ALG11: variants seen among roughly 807,000 people sequenced by gnomAD.
ALG11 encodes the protein ALG11 alpha-1,2-mannosyltransferase, also known as GDP-Man:Man(3)GlcNAc(2)-PP-Dol alpha-1,2-mannosyltransferase.
A neutral mutation model predicts 38.8 loss-of-function variants in ALG11; 26 were observed. The ratio of observed to expected loss-of-function variants is 0.67; its 90% CI spans 0.49 to 0.93. The LOEUF is 0.93. ALG11 is among the 40% of genes least tolerant of loss of function. ALG11 has a pLI of 0.00. For synonymous variants in ALG11, 199 were observed against 211.6 expected, an observed-to-expected ratio of 0.94 and a Z score of 0.52; for missense variants, 535 against 578.8, an observed-to-expected ratio of 0.92 and a Z score of 0.78.
At position 52,024,232 on chromosome 13, in the gene ALG11, G is replaced by T; in HGVS notation, c.502G>T (p.Val168Phe). 1 of 1,614,114 alleles carries T rather than the reference G, an allele frequency of 6.2e-7. No homozygotes were observed. The highest frequency in any genetic ancestry group is 1.1e-5 in the South Asian group (1 of 91,084). Reference protein sequence around the residue: ...FLGWEALMQCVPDVYIDSMGY... With the variant: ...FLGWEALMQCFPDVYIDSMGY... ...TGGCTGGGAAGCTCTAATGCAGTGT[G>T]TTCCTGATGTTTACATTGATTCAAT... The change falls in exon 3 of 4, where the codon GTT becomes TTT. Residue 168 changes from valine to phenylalanine, a missense_variant. Transcript: ENST00000521508.
rs1954290334 is a variant in ALG11, at chr13:52,030,436, T to C, written c.*1846T>C. The C allele has an allele frequency of 1.9e-6, 3 of 1,614,256 alleles. No individual in the cohort carries two copies. Among genetic ancestry groups the C allele is most frequent in the Non-Finnish European group, 1.7e-6 (2 of 1,180,048 alleles). ...CAGAGAGGACCCCAAATAATCGGCC[T>C]GATGCCCCTAAGGAGAAGAAAGAGA... On this transcript the variant is annotated 3_prime_UTR_variant, in exon 4 of 4. Transcript: ENST00000521508.
At position 52,031,551 on chromosome 13, in the gene ALG11, T is replaced by C; in HGVS notation, c.*2961T>C. ...TGTTTATGCTGTCAGCACATTTGTGTGGGTCTCTCATTGTCCCTTAACAGT... is the reference window on the plus strand; with the variant it reads ...TGTTTATGCTGTCAGCACATTTGTGCGGGTCTCTCATTGTCCCTTAACAGT... On this transcript the variant is annotated 3_prime_UTR_variant, in exon 4 of 4. Transcript: ENST00000521508. The C allele has an allele frequency of 5.5e-6, 1 of 182,198 alleles. No homozygotes were observed. Among genetic ancestry groups the C allele is most frequent in the Non-Finnish European group, 1.3e-5 (1 of 76,122 alleles). The allele number at this position is 182,198 out of a possible 1,614,324, so 11.3% of individuals were successfully genotyped here. A position where few individuals can be genotyped will look rare whatever the true frequency, so the allele number is the denominator to read the frequency against.
At position 52,030,098 on chromosome 13, in the gene ALG11, T is replaced by G. The variant is rs770311915; in HGVS notation, c.*1508T>G. ...GGAAAGGCAATCCCTTAGAAAAAGA[T>G]CTGAGCTCAACCAGGATGCTGAGCC... is the stretch of plus-strand genomic sequence containing the variant. On this transcript the variant is annotated 3_prime_UTR_variant, in exon 4 of 4. Coordinates refer to ENST00000521508, the MANE Select transcript of ALG11 (RefSeq NM_001004127.3). 6.2e-7 allele frequency: 1 copy of G among 1,614,216 alleles called. No individual in the cohort carries two copies. The highest frequency in any genetic ancestry group is 1.1e-5 in the South Asian group (1 of 91,084).
rs1954221298 is a variant in ALG11, at chr13:52,024,635, T to A, written c.905T>A (p.Leu302Ter). 6.2e-7 allele frequency: 1 copy of A among 1,613,780 alleles called. No individual in the cohort carries two copies. Among genetic ancestry groups the A allele is most frequent in the South Asian group, 1.1e-5 (1 of 91,074 alleles). ...GAGAAAAAGATGACCCCAGGACATT[T>A]GCTGGTTTCTGTTGGCCAGTTTAGG... ...LHEKKMTPGH[L>*]LVSVGQFRPE... Residue 302 changes from leucine (L) to a stop codon, truncating the protein, a stop_gained, in exon 3 of 4, where the codon TTG becomes TAG. Coordinates refer to ENST00000521508, the MANE Select transcript of ALG11 (RefSeq NM_001004127.3). LOFTEE classifies it high-confidence loss of function.
At chr13:52,014,893 G>A (rs537708655) in intron 1 of ALG11, among the ~76,000 whole-genome samples, 39 of 152,202 alleles carry the variant, frequency 2.6e-4, no homozygotes, top group African/African-American at 8.9e-4. Flanking sequence ...AGAGTATAAA[G>A]GTGTATAAAG....
chr13:52,013,839 A>G (rs962226809), intron 1 of ALG11, among the ~76,000 whole-genome samples: 2 of 152,246 alleles, frequency 1.3e-5, no homozygotes, highest in Admixed American at 1.3e-4. Context: ...AGGCCCTTCA[A>G]TGGATCCTCA....
intron 1 of ALG11, among the ~76,000 whole-genome samples, chr13:52,012,756 T>G (rs1366215894): frequency 6.6e-6 from 1 of 152,136 alleles, no homozygotes; most frequent in African/African-American, 2.4e-5. Flanking sequence ...AGTTAGTCTG[T>G]CATAAATTAT....
Position 52,024,204 on chromosome 13 carries a change from TC to T in ALG11, c.475del (p.Gly160AlafsTer5). On this transcript the variant is annotated frameshift_variant, in exon 3 of 4. Transcript: ENST00000521508. LOFTEE classifies it high-confidence loss of function. ...LLGQSLGSIF[L>X]GWEALMQCVP... The stretch of plus-strand genomic sequence containing the variant: ...TGGGCCAAAGTCTAGGATCCATTTT[TC>T]TTGGCTGGGAAGCTCTAATGCAGTG... 6.2e-7 allele frequency: 1 copy of T among 1,614,196 alleles called. No individual in the cohort carries two copies. The highest frequency in any genetic ancestry group is 8.5e-7 in the Non-Finnish European group (1 of 1,180,036).
At chr13:52,016,756 G>T (rs1054193602) in intron 1 of ALG11, 1 of 152,280 alleles carries the variant, frequency 6.6e-6, no homozygotes, top group East Asian at 1.9e-4. Flanking sequence ...TTGCCACCGG[G>T]GCAGGGCCCT....
intron 1 of ALG11, chr13:52,016,374 A>G (rs557196776): frequency 1.1e-4 from 17 of 152,364 alleles, no homozygotes; most frequent in African/African-American, 3.6e-4. Context: ...AAAAGTAGCA[A>G]GGAGCCTAAT....
At position 52,030,848 on chromosome 13, in the gene ALG11, C is replaced by T. The variant is rs1161435439; in HGVS notation, c.*2258C>T. 8 of 1,614,082 alleles carry T rather than the reference C, an allele frequency of 5.0e-6. No individual in the cohort carries two copies. The highest frequency in any genetic ancestry group is 4.5e-5 in the East Asian group (2 of 44,890). Reference sequence around the variant, plus strand: ...CATCCACGCAGCAGCTCATCAGGTACAAGTGCTTCCATATCCATTTACCCA... The same window carrying T: ...CATCCACGCAGCAGCTCATCAGGTATAAGTGCTTCCATATCCATTTACCCA... On this transcript the variant is annotated 3_prime_UTR_variant, in exon 4 of 4. Transcript: ENST00000521508.
chr13:52,015,704 C>G (rs1484033327), intron 1 of ALG11: 1 of 153,982 alleles, frequency 6.5e-6, no homozygotes, highest in African/African-American at 2.4e-5. Flanking sequence ...TAAGAAGTGC[C>G]TTATGCCTCC....
At chr13:52,019,287 T>C in intron 2 of ALG11, 144 bp downstream of exon 2, 2 of 750,290 alleles carry the variant, frequency 2.7e-6, no homozygotes, top group Non-Finnish European at 4.1e-6. Context: ...AGTGGCACGA[T>C]GTCGGCTCAC....
chr13:52,012,841 A>C (rs1030991236), intron 1 of ALG11, among the ~76,000 whole-genome samples: 2 of 152,110 alleles, frequency 1.3e-5, no homozygotes, highest in African/African-American at 4.8e-5. Flanking sequence ...CTTTTCGGTA[A>C]AGAAGAAACC....
Position 52,024,721 on chromosome 13 carries a change from G to T in ALG11, c.991G>T (p.Val331Phe), listed in dbSNP as rs750430228. The T allele has an allele frequency of 1.6e-5, 26 of 1,614,224 alleles. No individual in the cohort carries two copies. The highest frequency in any genetic ancestry group is 2.1e-5 in the Non-Finnish European group (25 of 1,180,038). The change falls in exon 3 of 4, where the codon GTT becomes TTT. Residue 331 changes from valine to phenylalanine, a missense_variant. Val to Phe is a conservative substitution (Grantham distance 50). Transcript: ENST00000521508. ...TGCTAAATTGCTGAATAAGAAGATG[G>T]TTGAGTCACCTCCTTCGCTTAAACT... ...AFAKLLNKKM[V>F]ESPPSLKLVL...
Position 52,030,829 on chromosome 13 carries a change from C to A in ALG11, c.*2239C>A, listed in dbSNP as rs1053490230. The A allele has an allele frequency of 1.8e-5, 29 of 1,614,174 alleles. No homozygotes were observed. Among genetic ancestry groups the A allele is most frequent in the Non-Finnish European group, 2.4e-5 (28 of 1,180,032 alleles). On this transcript the variant is annotated 3_prime_UTR_variant, in exon 4 of 4. Transcript: ENST00000521508. The stretch of plus-strand genomic sequence containing the variant: ...TTATCAGTGAGAAGCGCAACATCCA[C>A]GCAGCAGCTCATCAGGTACAAGTGC...
Position 52,030,896 on chromosome 13 carries a change from A to T in ALG11, c.*2306A>T. 6.2e-7 allele frequency: 1 copy of T among 1,614,204 alleles called. No homozygotes were observed. Among genetic ancestry groups the T allele is most frequent in the Non-Finnish European group, 8.5e-7 (1 of 1,180,032 alleles). ...CCACCATCGGCAATTTGAAAGGACC[A>T]TCCAGACCCCTATAGGATCCACATG... On this transcript the variant is annotated 3_prime_UTR_variant, in exon 4 of 4. Transcript: ENST00000521508.
In ALG11 at chr13:52,028,607, T is replaced by C; in HGVS notation, c.*17T>C. On this transcript the variant is annotated 3_prime_UTR_variant, in exon 4 of 4. Transcript: ENST00000521508. ...TTTAAGTAATGCCATATCTGTAAAATTAAAGATATTTTATATAAACTGGTT... is the reference window on the plus strand; with the variant it reads ...TTTAAGTAATGCCATATCTGTAAAACTAAAGATATTTTATATAAACTGGTT... The C allele has an allele frequency of 6.2e-7, 1 of 1,608,280 alleles. No homozygotes were observed.
At position 52,029,575 on chromosome 13, in the gene ALG11, A is replaced by G. The variant is rs1214446640; in HGVS notation, c.*985A>G. 6.2e-7 allele frequency: 1 copy of G among 1,614,246 alleles called. No individual in the cohort carries two copies. The highest frequency in any genetic ancestry group is 1.3e-5 in the African/African-American group (1 of 75,064). On this transcript the variant is annotated 3_prime_UTR_variant, in exon 4 of 4. Coordinates refer to ENST00000521508, the MANE Select transcript of ALG11 (RefSeq NM_001004127.3). ...AAAAGTATCACAAAGTCGTGAAGAA[A>G]GGAAAGGCCAAGAAAGCCTTAAAAG...
Sources: allele counts gnomAD v4.1 joint callset (sites outside exome capture counted in the v4.1 genomes callset), GRCh38; gene constraint gnomAD v4.1.1; transcripts MANE v1.5; gene names NCBI Gene and HGNC (gene_info 2026-07-23, HGNC 2026-07-21).